The following SPAST variants were observed in gnomAD, a reference collection of about 807,000 sequenced individuals.
SPAST encodes the protein spastic paraplegia 4 (autosomal dominant; spastin).
Under a neutral mutation model 76.6 loss-of-function variants are expected in SPAST, and 30 were observed. The observed-to-expected ratio is 0.39, with a 90% confidence interval of 0.29 to 0.53. The LOEUF is 0.53. SPAST is among the 20% of genes least tolerant of loss of function. SPAST has a pLI of 0.68. For synonymous variants in SPAST, 305 were observed against 281.0 expected (o/e 1.09, Z -0.86); for missense variants, 717 against 770.5 (o/e 0.93, Z 0.82).
rs574463804 is a variant in SPAST at position 32,108,462 on chromosome 2, G to A, written c.683-6176G>A. Among the ~76,000 whole-genome samples, 13 of 152,064 alleles carry A rather than the reference G, an allele frequency of 8.5e-5. No homozygotes were observed. In the East Asian group the frequency reaches 1.5e-3, roughly 18 times the overall value. On this transcript the variant is annotated intron_variant, in intron 4 of 16. Coordinates refer to ENST00000315285, the MANE Select transcript of SPAST (RefSeq NM_014946.4). Reference sequence around the variant, plus strand: ...ACATTTTGTGCTTTGATTTTAATGGGTGTATCACAGTTATATACATCTTTA... The same window carrying A: ...ACATTTTGTGCTTTGATTTTAATGGATGTATCACAGTTATATACATCTTTA...
intron 2 of SPAST, among the ~76,000 whole-genome samples, chr2:32,089,049 T>A (rs79305269): frequency 2.0e-5 from 3 of 151,284 alleles, no homozygotes; most frequent in Admixed American, 1.3e-4. Context: ...ACTGTAACTA[T>A]TTTTTTTTAT....
intron 3 of SPAST, among the ~76,000 whole-genome samples, chr2:32,090,093 C>G (rs1313087740): frequency 6.6e-6 from 1 of 152,200 alleles, no homozygotes. Context: ...TTATTCTTCT[C>G]TCAGCTTTGA....
chr2:32,077,570 T>G (rs1281712524), intron 1 of SPAST, among the ~76,000 whole-genome samples: 2 of 152,152 alleles, frequency 1.3e-5, no homozygotes, highest in African/African-American at 4.8e-5. Context: ...CCAGACAGAT[T>G]AACTGACTTT....
chr2:32,133,893 G>A (rs1283274334), intron 9 of SPAST, among the ~76,000 whole-genome samples: 1 of 152,120 alleles, frequency 6.6e-6, no homozygotes, highest in African/African-American at 2.4e-5. Context: ...TCTTCTGTAA[G>A]TTTCTTTAAA....
At position 32,089,218 on chromosome 2, in the gene SPAST, T is replaced by TTTTTTTTTTTTTTTTTC. The variant is rs375850129; in HGVS notation, c.503-304_503-303insTTTTTTTTTTTTTTTTC. On this transcript the variant is annotated intron_variant, in intron 2 of 16. Coordinates refer to ENST00000315285, the MANE Select transcript of SPAST (RefSeq NM_014946.4). ...CGGCTAATTTTTTTTTTTTTTTTTT[T>TTTTTTTTTTTTTTTTTC]AAGTAGAGACCAGATCTCTTTATGT... Among the ~76,000 whole-genome samples the TTTTTTTTTTTTTTTTTC allele has an allele frequency of 4.6e-5, 6 of 129,994 alleles. 1 individual carries two copies. Among genetic ancestry groups the TTTTTTTTTTTTTTTTTC allele is most frequent in the Non-Finnish European group, 3.2e-5 (2 of 61,784 alleles). 85.3% of individuals were successfully genotyped at this position (129,994 alleles called of 152,430 possible).
chr2:32,104,233 T>C (rs547117387), intron 4 of SPAST, among the ~76,000 whole-genome samples: 1 of 152,334 alleles, frequency 6.6e-6, no homozygotes, highest in African/African-American at 2.4e-5. Flanking sequence ...TTTTGATCTT[T>C]GTTGGTTTAA....
intron 1 of SPAST, among the ~76,000 whole-genome samples, chr2:32,070,451 A>G (rs1040495371): frequency 1.3e-5 from 2 of 152,188 alleles, no homozygotes; most frequent in African/African-American, 4.8e-5. Flanking sequence ...TAGCACAGCA[A>G]ATTCTGTTGA....
At chr2:32,073,254 A>G (rs1285951819) in intron 1 of SPAST, among the ~76,000 whole-genome samples, 1 of 152,164 alleles carries the variant, frequency 6.6e-6, no homozygotes, top group Admixed American at 6.5e-5. Context: ...GTTGGTCTCG[A>G]ACTCCTGGCC....
intron 1 of SPAST, among the ~76,000 whole-genome samples, chr2:32,083,774 ATATTTTTT>A (rs1558620317): frequency 3.7e-5 from 2 of 54,380 alleles, no homozygotes; most frequent in Non-Finnish European, 6.8e-5. Flanking sequence ...ATATATATAT[ATATTTTTT>A]TTTTTTTTTG....
At chr2:32,074,500 T>C (rs1428784233) in intron 1 of SPAST, among the ~76,000 whole-genome samples, 1 of 145,776 alleles carries the variant, frequency 6.9e-6, no homozygotes, top group Non-Finnish European at 1.5e-5. Flanking sequence ...CTTTCTCAGC[T>C]TTTTTTTTTG....
chr2:32,129,382 C>T (rs1679297892), intron 9 of SPAST: 2 of 152,156 alleles, frequency 1.3e-5, no homozygotes, highest in Admixed American at 6.6e-5. Flanking sequence ...AGCCACCACA[C>T]CTGGCCAGTA....
At chr2:32,109,875 T>TACATATAGTTACATATGTATATGCATAC (rs1558318938) in intron 4 of SPAST, among the ~76,000 whole-genome samples, 12 of 135,276 alleles carry the variant, frequency 8.9e-5, no homozygotes, top group African/African-American at 3.0e-4. Flanking sequence ...TATATGCATA[T>TACATATAGTTACATATGTATATGCATAC]ACATATATAG....
At chr2:32,083,745 A>T (rs1677341237) in intron 1 of SPAST, among the ~76,000 whole-genome samples, 1 of 59,446 alleles carries the variant, frequency 1.7e-5, no homozygotes, top group Non-Finnish European at 3.1e-5. Context: ...ATATATTTAT[A>T]TATACTATAT....
At chr2:32,110,631 A>T (rs1469590197) in intron 4 of SPAST, among the ~76,000 whole-genome samples, 1 of 136,850 alleles carries the variant, frequency 7.3e-6, no homozygotes, top group Non-Finnish European at 1.5e-5. Flanking sequence ...TATATAGTAT[A>T]TGTAGTATAT....
chr2:32,110,850 T>TGC (rs1678561353), intron 4 of SPAST, among the ~76,000 whole-genome samples: 1 of 124,308 alleles, frequency 8.0e-6, no homozygotes, highest in African/African-American at 3.1e-5. Context: ...CTATATAGTA[T>TGC]ATAGAGTATA....
chr2:32,063,571 A>G lies in SPAST; in HGVS notation c.-261A>G. On this transcript the variant is annotated 5_prime_UTR_variant, in exon 1 of 17. Transcript: ENST00000315285. Reference sequence around the variant, plus strand: ...GTGCGCGTGCGCGGCCGCCGCTGGGAGCCACCAGGCGGCGGAGAGGACAGC... The same window carrying G: ...GTGCGCGTGCGCGGCCGCCGCTGGGGGCCACCAGGCGGCGGAGAGGACAGC... 1 of 504,396 alleles carries G rather than the reference A, an allele frequency of 2.0e-6. No homozygotes were observed. Among genetic ancestry groups the G allele is most frequent in the South Asian group, 2.6e-5 (1 of 38,780 alleles). 31.2% of individuals were successfully genotyped at this position (504,396 alleles called of 1,614,324 possible).
intron 16 of SPAST, among the ~76,000 whole-genome samples, chr2:32,149,851 G>A (rs1013053355): frequency 5.3e-5 from 8 of 152,092 alleles, no homozygotes; most frequent in Non-Finnish European, 1.2e-4. Context: ...ACCAATTTCC[G>A]AGAGATACTG....
intron 15 of SPAST, among the ~76,000 whole-genome samples, chr2:32,145,314 C>G (rs1310027430): frequency 1.3e-5 from 2 of 152,180 alleles, no homozygotes; most frequent in Non-Finnish European, 2.9e-5. Flanking sequence ...CCAAGCTGGT[C>G]TTGAACTCCC....
intron 7 of SPAST, among the ~76,000 whole-genome samples, chr2:32,124,214 C>T (rs1679116581): frequency 6.6e-6 from 1 of 152,136 alleles, no homozygotes; most frequent in South Asian, 2.1e-4. Context: ...GGCAAAATAT[C>T]TGAACAGACA....
Sources: gnomAD v4.1 joint callset for allele counts (sites outside exome capture counted in the v4.1 genomes callset) on GRCh38, gnomAD v4.1.1 for gene constraint, MANE v1.5 for transcripts, NCBI Gene and HGNC (gene_info 2026-07-23, HGNC 2026-07-21) for gene names.